HFM1: variants seen among roughly 807,000 people sequenced by gnomAD.
HFM1 encodes the protein helicase for meiosis 1.
Under a neutral mutation model 192.1 loss-of-function variants are expected in HFM1, and 169 were observed. That is an observed-to-expected ratio of 0.88 (90% CI 0.78 to 1.00). The LOEUF (loss-of-function observed/expected upper bound fraction) is 1.00. HFM1 is among the 50% of genes least tolerant of loss of function. The probability of loss-of-function intolerance (pLI) is 0.00; values close to 1 mark genes in which losing one functional copy is unlikely to be tolerated. For synonymous variants in HFM1, 525 were observed against 537.8 expected, an observed-to-expected ratio of 0.98 and a Z score of 0.33; for missense variants, 1,661 against 1,668.0, an observed-to-expected ratio of 1.00 and a Z score of 0.07.
At chr1:91,325,238 C>T (rs933066952) in intron 20 of HFM1, among the ~76,000 whole-genome samples, 4 of 152,166 alleles carry the variant, frequency 2.6e-5, no homozygotes, top group Admixed American at 6.5e-5. Flanking sequence ...CAGTGAAGGT[C>T]GTGGCCACAG....
At chr1:91,300,348 C>G (rs1286525013) in intron 30 of HFM1, among the ~76,000 whole-genome samples, 1 of 152,200 alleles carries the variant, frequency 6.6e-6, no homozygotes, top group East Asian at 1.9e-4. Context: ...TGAATTCTAG[C>G]AGAGGTACAA....
At position 91,273,752 on chromosome 1, in the gene HFM1, A is replaced by C. The variant is rs768706788; in HGVS notation, c.3732T>G (p.Tyr1244Ter). 5.6e-6 allele frequency: 9 copies of C among 1,602,324 alleles called. No individual in the cohort carries two copies. The highest frequency in any genetic ancestry group is 7.7e-6 in the Non-Finnish European group (9 of 1,170,532). The change falls in exon 34 of 39, where the codon TAT becomes TAG. Residue 1244 changes from tyrosine (Y) to a stop codon, truncating the protein, a stop_gained. Coordinates refer to ENST00000370425, the MANE Select transcript of HFM1 (RefSeq NM_001017975.6). LOFTEE classifies it high-confidence loss of function. ...CAGATGGTTCTTGTCTAACTTTTCCATAGATTTCAGGCTGATCCCACTGCT... is the reference window on the plus strand; with the variant it reads ...CAGATGGTTCTTGTCTAACTTTTCCCTAGATTTCAGGCTGATCCCACTGCT... ...IMEQWDQPEIYGKVRQEPSEY... is the reference protein window; with the variant it reads ...IMEQWDQPEI
At chr1:91,395,947 C>T (rs1048023638) in intron 3 of HFM1, among the ~76,000 whole-genome samples, 1 of 151,270 alleles carries the variant, frequency 6.6e-6, no homozygotes, top group Non-Finnish European at 1.5e-5. Context: ...CTCCTGGGTT[C>T]AAGCCATTCT....
intron 4 of HFM1, among the ~76,000 whole-genome samples, chr1:91,391,822 G>A (rs913217059): frequency 3.3e-5 from 5 of 151,558 alleles, no homozygotes; most frequent in Admixed American, 3.3e-4. Flanking sequence ...CAACCAATGG[G>A]AGAAAACTTT....
intron 30 of HFM1, among the ~76,000 whole-genome samples, chr1:91,296,854 C>T (rs369066397): frequency 6.6e-5 from 10 of 152,154 alleles, no homozygotes; most frequent in Non-Finnish European, 1.2e-4. Flanking sequence ...GTCTACAGCT[C>T]CCAGCGTGAG....
At chr1:91,319,432 A>G in intron 23 of HFM1, 42 bp from the exon 24 acceptor site, 1 of 1,233,914 alleles carries the variant, frequency 8.1e-7, no homozygotes, top group Non-Finnish European at 1.2e-6. Context: ...TTTAAGGGTT[A>G]TCTATCTCCC....
At chr1:91,352,736 A>G in intron 15 of HFM1, 85 bp from the exon 16 acceptor site, 2 of 1,054,398 alleles carry the variant, frequency 1.9e-6, no homozygotes, top group Non-Finnish European at 2.6e-6. Flanking sequence ...ATTCTTATAA[A>G]TGTAATAAAA....
chr1:91,313,289 T>C (rs1650737122), intron 30 of HFM1, 60 bp downstream of exon 30: 5 of 978,082 alleles, frequency 5.1e-6, no homozygotes, highest in Admixed American at 4.3e-5. Context: ...ATAACACTGA[T>C]ACTCCTTCCT....
At chr1:91,378,940 T>C (rs986399393) in intron 9 of HFM1, 123 bp downstream of exon 9, 2 of 571,136 alleles carry the variant, frequency 3.5e-6, no homozygotes, top group African/African-American at 4.0e-5. Context: ...TTTTTTAATG[T>C]TTGTTTGTTT....
intron 36 of HFM1, among the ~76,000 whole-genome samples, chr1:91,265,792 A>T (rs1665708771): frequency 6.6e-6 from 1 of 152,204 alleles, no homozygotes; most frequent in African/African-American, 2.4e-5. Context: ...GGTAGATCTA[A>T]TGTGGGGCTT....
Position 91,350,785 on chromosome 1 carries a change from C to T in HFM1, c.2159G>A (p.Arg720Gln), listed in dbSNP as rs200189845. Reference sequence around the variant, plus strand: ...GGCTCTGATATAAAGCAGAGTTGATCGTATCCATTCCACAGCAATATTCAC... The same window carrying T: ...GGCTCTGATATAAAGCAGAGTTGATTGTATCCATTCCACAGCAATATTCAC... ...TDVNIAVEWI[R>Q]STLLYIRALK... Residue 720 changes from arginine (R) to glutamine (Q), a missense_variant, in exon 18 of 39, where the codon CGA becomes CAA. Physicochemically the swap from Arg to Gln is conservative, Grantham distance 43. Coordinates refer to ENST00000370425, the MANE Select transcript of HFM1 (RefSeq NM_001017975.6). 13 of 1,610,940 alleles carry T rather than the reference C, an allele frequency of 8.1e-6. No individual in the cohort carries two copies. The highest frequency in any genetic ancestry group is 8.5e-6 in the Non-Finnish European group (10 of 1,178,126).
rs1570972068 is a variant in HFM1, at chr1:91,329,606, G to A, written c.2336-4840C>T. 9.9e-6 allele frequency: 9 copies of A among 912,030 alleles called. No homozygotes were observed. In the East Asian group the frequency reaches 2.4e-4, roughly 24 times the overall value. 56.5% of individuals were successfully genotyped at this position (912,030 alleles called of 1,614,324 possible). A position where few individuals can be genotyped will look rare whatever the true frequency, so the allele number is the denominator to read the frequency against. On this transcript the variant is annotated intron_variant, in intron 20 of 38. Transcript: ENST00000370425. ...CTACAGCTAGAGAAACCTTCACAGG[G>A]GTGGAGAGAGCATTCTAAGGTTTTT...
chr1:91,395,921 T>TAACTGCAACCTCTGCCTCCTGGGTTC (rs1553135926), intron 3 of HFM1, among the ~76,000 whole-genome samples: 1 of 151,640 alleles, frequency 6.6e-6, no homozygotes, highest in Non-Finnish European at 1.5e-5. Context: ...CAATCTCAGC[T>TAACTGCAACCTCTGCCTCCTGGGTTC]AACTGCAACC....
intron 4 of HFM1, among the ~76,000 whole-genome samples, chr1:91,390,667 T>G (rs1414159941): frequency 2.0e-5 from 3 of 152,080 alleles, no homozygotes; most frequent in Admixed American, 6.6e-5. Flanking sequence ...GGGCAAAAAC[T>G]GGAAGCATTC....
In HFM1 at chr1:91,370,454, G is replaced by A. The variant is rs974762879; in HGVS notation, c.1685+4904C>T. 2.5e-4 allele frequency among the ~76,000 whole-genome samples: 38 copies of A among 152,080 alleles called. 1 individual carries two copies. Among genetic ancestry groups the A allele is most frequent in the African/African-American group, 8.5e-4 (35 of 41,412 alleles). Reference sequence around the variant, plus strand: ...GTTCAACACACGAAAATCAATACACGTAATCCAGCATATAAACAGAACCAA... The same window carrying A: ...GTTCAACACACGAAAATCAATACACATAATCCAGCATATAAACAGAACCAA... On this transcript the variant is annotated intron_variant, in intron 13 of 38. Coordinates refer to ENST00000370425, the MANE Select transcript of HFM1 (RefSeq NM_001017975.6).
At chr1:91,325,738 G>A (rs900702112) in intron 20 of HFM1, among the ~76,000 whole-genome samples, 10 of 152,068 alleles carry the variant, frequency 6.6e-5, no homozygotes, top group Admixed American at 4.6e-4. Flanking sequence ...AGGAAAACAT[G>A]ACCTCACCAA....
intron 20 of HFM1, among the ~76,000 whole-genome samples, chr1:91,340,375 A>C (rs1037255163): frequency 2.0e-5 from 3 of 152,312 alleles, no homozygotes; most frequent in African/African-American, 7.2e-5. Context: ...AAGCTTCATC[A>C]ATGAAGGAGA....
At chr1:91,343,629 T>C (rs774939857) in intron 19 of HFM1, 119 bp from the exon 20 acceptor site, 57 of 415,684 alleles carry the variant, frequency 1.4e-4, no homozygotes, top group Non-Finnish European at 2.1e-4. Context: ...AGAAGAACCA[T>C]AGTCCCTACT....
intron 34 of HFM1, among the ~76,000 whole-genome samples, chr1:91,271,152 G>A (rs1376566933): frequency 1.3e-5 from 2 of 152,032 alleles, no homozygotes; most frequent in African/African-American, 4.8e-5. Context: ...ATTGATCAAG[G>A]GATAAACACA....
Sources: allele counts gnomAD v4.1 joint callset (sites outside exome capture counted in the v4.1 genomes callset), GRCh38; gene constraint gnomAD v4.1.1; transcripts MANE v1.5; gene names NCBI Gene and HGNC (gene_info 2026-07-23, HGNC 2026-07-21).